The following FKTN variants were observed in gnomAD, a reference collection of about 807,000 sequenced individuals.
FKTN encodes the protein fukutin.
Under a neutral mutation model 58.6 loss-of-function variants are expected in FKTN, and 47 were observed. The ratio of observed to expected loss-of-function variants is 0.80; its 90% confidence interval spans 0.63 to 1.02. The LOEUF (loss-of-function observed/expected upper bound fraction) is 1.02, where lower values mean the gene tolerates loss of function less well. Among genes scored for constraint, FKTN ranks in the 50% least tolerant of loss-of-function variants. FKTN has a pLI of 0.00. For synonymous variants in FKTN, 178 were observed against 191.9 expected (o/e 0.93, Z 0.60); for missense variants, 516 against 537.3 (o/e 0.96, Z 0.39).
chr9:105,600,934 T>C (rs543933946), intron 4 of FKTN: 2 of 484,162 alleles, frequency 4.1e-6, no homozygotes, highest in East Asian at 3.5e-5. Flanking sequence ...TCACCTTATA[T>C]TGAAAATGTT....
chr9:105,599,475 C>CTT (rs56397759), intron 4 of FKTN, among the ~76,000 whole-genome samples: 1,148 of 101,136 alleles, frequency 0.011, 75 homozygotes, highest in Admixed American at 0.059. Context: ...TCAGGTTTTG[C>CTT]TTTTTTTTTT....
In FKTN at chr9:105,635,750, A is replaced by G; in HGVS notation, c.*486A>G. 5.9e-6 allele frequency: 6 copies of G among 1,013,052 alleles called. No homozygotes were observed. The highest frequency in any genetic ancestry group is 7.1e-6 in the Non-Finnish European group (6 of 845,440). 62.8% of individuals were successfully genotyped at this position (1,013,052 alleles called of 1,614,324 possible). On this transcript the variant is annotated 3_prime_UTR_variant, in exon 11 of 11. Transcript: ENST00000357998. The stretch of plus-strand genomic sequence containing the variant: ...ATTGTGGAGTCTGAGTTAATATTCA[A>G]GTGATCAGACTTTGAGTGACATCAA...
intron 10 of FKTN, among the ~76,000 whole-genome samples, chr9:105,623,616 T>G (rs746216302): frequency 6.6e-6 from 1 of 152,204 alleles, no homozygotes; most frequent in Non-Finnish European, 1.5e-5. Context: ...AGATTCATCC[T>G]CTGTGGACCA....
At chr9:105,575,503 T>A (rs1395230234) in intron 3 of FKTN, among the ~76,000 whole-genome samples, 1 of 152,190 alleles carries the variant, frequency 6.6e-6, no homozygotes, top group Non-Finnish European at 1.5e-5. Flanking sequence ...TGGGGAAGTA[T>A]AATGGTATGA....
chr9:105,635,191 G>A lies in FKTN; in HGVS notation c.1313G>A (p.Arg438His), dbSNP rs139291792. 8.7e-6 allele frequency: 14 copies of A among 1,614,020 alleles called. No homozygotes were observed. Among genetic ancestry groups the A allele is most frequent in the South Asian group, 2.2e-5 (2 of 91,084 alleles). ...CCTGTAAAGACGTGGGACTGGAAGCGCTCTCCTCCCAATGTGCAACCCAAT... is the reference window on the plus strand; with the variant it reads ...CCTGTAAAGACGTGGGACTGGAAGCACTCTCCTCCCAATGTGCAACCCAAT... ...KIPVKTWDWK[R>H]SPPNVQPNGI... is the part of the protein sequence containing the mutation. Residue 438 changes from arginine (R) to histidine (H), a missense_variant, in exon 11 of 11, where the codon CGC (arginine) becomes CAC (histidine). By Grantham distance (29) the Arg-to-His change is conservative. Transcript: ENST00000357998.
intron 3 of FKTN, among the ~76,000 whole-genome samples, chr9:105,589,657 G>A (rs183188371): frequency 8.7e-4 from 133 of 152,210 alleles, no homozygotes; most frequent in Non-Finnish European, 1.6e-3. Context: ...ACTTGGGAAG[G>A]CTATTAATGA....
chr9:105,602,446 A>G (rs1304949632), intron 5 of FKTN, among the ~76,000 whole-genome samples: 1 of 152,244 alleles, frequency 6.6e-6, no homozygotes, highest in Non-Finnish European at 1.5e-5. Context: ...GGCAAAACTG[A>G]TACTACCATA....
At chr9:105,563,394 T>C (rs900159684) in intron 1 of FKTN, among the ~76,000 whole-genome samples, 5 of 152,176 alleles carry the variant, frequency 3.3e-5, no homozygotes, top group Admixed American at 6.5e-5. Context: ...GGGAATTCCC[T>C]TTCCTAGCCA....
At chr9:105,579,844 G>A (rs1790154464) in intron 3 of FKTN, among the ~76,000 whole-genome samples, 1 of 151,772 alleles carries the variant, frequency 6.6e-6, no homozygotes, top group South Asian at 2.1e-4. Flanking sequence ...ATGAATCTGG[G>A]TGCTCCTGTA....
intron 7 of FKTN, among the ~76,000 whole-genome samples, chr9:105,609,807 G>A (rs1376837290): frequency 1.3e-5 from 2 of 152,060 alleles, no homozygotes; most frequent in African/African-American, 4.8e-5. Context: ...CATTACTGTT[G>A]ATATTCACAT....
chr9:105,573,508 CT>C (rs1841142609), intron 1 of FKTN, 146 bp from the exon 2 acceptor site: 1 of 151,756 alleles, frequency 6.6e-6, no homozygotes, highest in African/African-American at 2.4e-5. Flanking sequence ...CATACTTTTA[CT>C]CATGGCTACT....
intron 6 of FKTN, among the ~76,000 whole-genome samples, chr9:105,606,945 TACTC>T (rs1238786057): frequency 2.0e-5 from 3 of 151,888 alleles, no homozygotes; most frequent in African/African-American, 4.8e-5. Context: ...AAAATCTTAA[TACTC>T]ACTGTTCTCT....
intron 3 of FKTN, among the ~76,000 whole-genome samples, chr9:105,587,406 T>C (rs892531424): frequency 3.9e-5 from 6 of 152,230 alleles, no homozygotes; most frequent in African/African-American, 1.4e-4. Context: ...AAATCAGTCT[T>C]GTAGCCATTT....
At chr9:105,602,889 C>G (rs898841592) in intron 5 of FKTN, among the ~76,000 whole-genome samples, 38 of 152,090 alleles carry the variant, frequency 2.5e-4, no homozygotes, top group African/African-American at 8.5e-4. Context: ...GATAGTCCCC[C>G]CTAAAACATC....
intron 3 of FKTN, among the ~76,000 whole-genome samples, chr9:105,595,664 A>G (rs1826642828): frequency 2.0e-5 from 3 of 152,184 alleles, no homozygotes; most frequent in Non-Finnish European, 2.9e-5. Context: ...TTACTAAGCT[A>G]TAAAAATCAT....
chr9:105,632,229 G>T (rs950641537), intron 10 of FKTN, among the ~76,000 whole-genome samples: 2 of 151,616 alleles, frequency 1.3e-5, no homozygotes, highest in Non-Finnish European at 3.0e-5. Flanking sequence ...GAGATCACAT[G>T]GACACAGGAA....
At chr9:105,584,315 A>G (rs937454877) in intron 3 of FKTN, among the ~76,000 whole-genome samples, 7 of 152,180 alleles carry the variant, frequency 4.6e-5, no homozygotes, top group African/African-American at 1.7e-4. Flanking sequence ...ATACCATACA[A>G]ACTGCCTTAG....
chr9:105,573,520 C>T (rs1268952268), intron 1 of FKTN, 135 bp from the exon 2 acceptor site: 1 of 151,908 alleles, frequency 6.6e-6, no homozygotes, highest in African/African-American at 2.4e-5. Flanking sequence ...CATGGCTACT[C>T]AGGAGGCTGA....
chr9:105,566,889 A>G (rs905132209), intron 1 of FKTN, among the ~76,000 whole-genome samples: 4 of 152,202 alleles, frequency 2.6e-5, no homozygotes, highest in Non-Finnish European at 4.4e-5. Context: ...CGATGCAAAA[A>G]TCCTCAATAA....
Sources: allele counts gnomAD v4.1 joint callset (sites outside exome capture counted in the v4.1 genomes callset), GRCh38; gene constraint gnomAD v4.1.1; transcripts MANE v1.5; gene names NCBI Gene and HGNC (gene_info 2026-07-23, HGNC 2026-07-21).